SRPK1: variants seen among roughly 807,000 people sequenced by gnomAD.
SRPK1 encodes SRSF protein kinase 1.
In SRPK1, 52 loss-of-function variants were observed where a neutral mutation model predicts 89.5. That is an observed-to-expected ratio of 0.58 (90% confidence interval 0.46 to 0.73). The LOEUF (loss-of-function observed/expected upper bound fraction) is 0.73, where lower values mean the gene tolerates loss of function less well. Ranked by LOEUF, SRPK1 falls within the 30% of genes least tolerant of loss-of-function variation. The probability of loss-of-function intolerance (pLI) is 0.00; values close to 1 mark genes in which losing one functional copy is unlikely to be tolerated. For synonymous variants in SRPK1, 255 were observed against 270.2 expected, an observed-to-expected ratio of 0.94 and a Z score of 0.55; for missense variants, 603 against 780.6, an observed-to-expected ratio of 0.77 and a Z score of 2.71.
intron 13 of SRPK1, among the ~76,000 whole-genome samples, chr6:35,850,961 G>C (rs375534215): frequency 6.6e-6 from 1 of 152,166 alleles, no homozygotes; most frequent in African/African-American, 2.4e-5. Flanking sequence ...AGGATTTTGA[G>C]TGGAATAGAT....
At chr6:35,836,726 G>A (rs1328003950) in intron 15 of SRPK1, among the ~76,000 whole-genome samples, 1 of 151,186 alleles carries the variant, frequency 6.6e-6, no homozygotes, top group Non-Finnish European at 1.5e-5. Flanking sequence ...CTGTACTCCA[G>A]CCTGGGTGAC....
intron 12 of SRPK1, among the ~76,000 whole-genome samples, chr6:35,859,067 T>C (rs1387702154): frequency 6.6e-6 from 1 of 152,166 alleles, no homozygotes; most frequent in East Asian, 1.9e-4. Flanking sequence ...AAAGGAACCA[T>C]AATATATGCT....
At chr6:35,840,196 C>T (rs1482724042) in intron 14 of SRPK1, among the ~76,000 whole-genome samples, 2 of 152,120 alleles carry the variant, frequency 1.3e-5, no homozygotes, top group African/African-American at 4.8e-5. Flanking sequence ...AGTTATGTAT[C>T]TTATAGGGGA....
intron 6 of SRPK1, among the ~76,000 whole-genome samples, chr6:35,881,862 C>G (rs1342852167): frequency 6.6e-6 from 1 of 151,872 alleles, no homozygotes; most frequent in East Asian, 1.9e-4. Flanking sequence ...AGAAGATAAG[C>G]AAGGCAATAG....
chr6:35,888,128 G>A lies in SRPK1; in HGVS notation c.303-17C>T. On this transcript the variant is annotated splice_polypyrimidine_tract_variant and intron_variant, in intron 4 of 15. Transcript: ENST00000373825. ...TTCTTCCCCCTAAGAAACAAACACA[G>A]GCAATTAAGACTACATAGCCTACCC... The A allele has an allele frequency of 6.3e-7, 1 of 1,582,062 alleles. No individual in the cohort carries two copies. Among genetic ancestry groups the A allele is most frequent in the Non-Finnish European group, 8.6e-7 (1 of 1,158,726 alleles).
intron 2 of SRPK1, among the ~76,000 whole-genome samples, chr6:35,893,500 G>C (rs1227134269): frequency 3.3e-5 from 5 of 151,662 alleles, no homozygotes; most frequent in African/African-American, 1.2e-4. Flanking sequence ...AAAAAGGGGT[G>C]GGGGATGATT....
intron 12 of SRPK1, among the ~76,000 whole-genome samples, chr6:35,864,091 C>T (rs561262114): frequency 1.3e-5 from 2 of 152,112 alleles, no homozygotes; most frequent in African/African-American, 2.4e-5. Context: ...GAAACTACTA[C>T]AAGAAAACAT....
chr6:35,875,516 A>G (rs754049271), intron 6 of SRPK1, among the ~76,000 whole-genome samples: 7 of 152,156 alleles, frequency 4.6e-5, no homozygotes, highest in Non-Finnish European at 1.5e-5. Flanking sequence ...GCCCGGCCAG[A>G]CCACTATAAA....
rs187296398 is a variant in SRPK1, at chr6:35,857,161, C to T, written c.1620+100G>A. 348 of 828,118 alleles carry T rather than the reference C, an allele frequency of 4.2e-4. 2 individuals are homozygous for T. In the African/African-American group the frequency reaches 5.4e-3, roughly 13 times the overall value. The allele number at this position is 828,118 out of a possible 1,614,324, so 51.3% of individuals were successfully genotyped here. A position where few individuals can be genotyped will look rare whatever the true frequency, so the allele number is the denominator to read the frequency against. ...TACCTATGGTAAATCATCTGTGTTACGTTCTTTTCTGCTAGTTAATTTGCT... is the reference window on the plus strand; with the variant it reads ...TACCTATGGTAAATCATCTGTGTTATGTTCTTTTCTGCTAGTTAATTTGCT... On this transcript the variant is annotated intron_variant, in intron 13 of 15. Transcript: ENST00000373825.
rs368355168 is a variant in SRPK1, at chr6:35,839,630, G to GC, written c.1691-1202dup. On this transcript the variant is annotated intron_variant, in intron 14 of 15. Transcript: ENST00000373825. ...TACACACACCTCAGGTAGATCTACT[G>GC]CCCCCCCCCTTTTTTTTTTCTCTCT... 5.5e-3 allele frequency among the ~76,000 whole-genome samples: 737 copies of GC among 133,260 alleles called. 5 individuals are homozygous for GC. Among genetic ancestry groups the GC allele is most frequent in the South Asian group, 5.5e-3 (21 of 3,814 alleles). 87.4% of individuals were successfully genotyped at this position (133,260 alleles called of 152,430 possible).
chr6:35,842,190 G>A (rs1367661094), intron 14 of SRPK1, among the ~76,000 whole-genome samples: 1 of 152,214 alleles, frequency 6.6e-6, no homozygotes, highest in East Asian at 1.9e-4. Context: ...AATAAATTTG[G>A]AGGCATAATT....
At chr6:35,859,696 C>A (rs1769738722) in intron 12 of SRPK1, among the ~76,000 whole-genome samples, 1 of 152,156 alleles carries the variant, frequency 6.6e-6, no homozygotes, top group Admixed American at 6.6e-5. Context: ...AATTCCATTA[C>A]TGAATGCCAG....
intron 2 of SRPK1, chr6:35,904,933 G>T: frequency 2.3e-6 from 1 of 428,574 alleles, no homozygotes; most frequent in East Asian, 8.2e-5. Context: ...CTTGAGGCCA[G>T]GAGTTCAAGA....
Position 35,872,636 on chromosome 6 carries a change from C to T in SRPK1, c.678G>A (p.Gln226=), listed in dbSNP as rs1770057498. Residue 226 remains glutamine (Q), a synonymous_variant, in exon 8 of 16, where the codon CAG becomes CAA. Coordinates refer to ENST00000373825, the MANE Select transcript of SRPK1 (RefSeq NM_003137.5). ...PENILLSVNE[Q]YIRRLAAEAT... ...CTTCTGCAGCCAGCCTCCGAATGTACTGCTCATTCACTGACAATAAGATGT... is the reference window on the plus strand; with the variant it reads ...CTTCTGCAGCCAGCCTCCGAATGTATTGCTCATTCACTGACAATAAGATGT... 6.2e-7 allele frequency: 1 copy of T among 1,612,290 alleles called. No homozygotes were observed. Among genetic ancestry groups the T allele is most frequent in the Admixed American group, 1.7e-5 (1 of 59,828 alleles).
In SRPK1 at chr6:35,870,520, A is replaced by T. The variant is rs1483080581; in HGVS notation, c.778-26T>A. 12 of 1,536,444 alleles carry T rather than the reference A, an allele frequency of 7.8e-6. No homozygotes were observed. The South Asian group carries it at 1.2e-4, about 16-fold the overall frequency. ...CTGGGCGGAGATTACAAACAGATAA[A>T]GCCTTCAGGTGGCTAATTAATTACC... On this transcript the variant is annotated intron_variant, in intron 9 of 15. Transcript: ENST00000373825.
chr6:35,896,735 A>G (rs1770633295), intron 2 of SRPK1, among the ~76,000 whole-genome samples: 1 of 152,248 alleles, frequency 6.6e-6, no homozygotes. Context: ...TTATGAATGT[A>G]CTATAAAGTA....
chr6:35,882,904 G>A (rs1770326094), intron 6 of SRPK1, among the ~76,000 whole-genome samples: 1 of 151,974 alleles, frequency 6.6e-6, no homozygotes, highest in Non-Finnish European at 1.5e-5. Flanking sequence ...CGCCTCCCAG[G>A]TTCAAACCAT....
At chr6:35,885,298 C>CACACAGAGAG (rs1276672274) in intron 6 of SRPK1, among the ~76,000 whole-genome samples, 34 of 113,182 alleles carry the variant, frequency 3.0e-4, no homozygotes, top group African/African-American at 5.8e-4. Flanking sequence ...CACACACACA[C>CACACAGAGAG]AGAGAGAGAG....
intron 13 of SRPK1, among the ~76,000 whole-genome samples, chr6:35,848,338 C>CT (rs1332944412): frequency 1.3e-5 from 2 of 152,154 alleles, no homozygotes; most frequent in Admixed American, 1.3e-4. Flanking sequence ...GGGCAGATCA[C>CT]TGGAGCTCAG....
Sources: gnomAD v4.1 joint callset for allele counts (sites outside exome capture counted in the v4.1 genomes callset) on GRCh38, gnomAD v4.1.1 for gene constraint, MANE v1.5 for transcripts, NCBI Gene and HGNC (gene_info 2026-07-23, HGNC 2026-07-21) for gene names.